Variants in BMPER observed in about 807,000 individuals in gnomAD.
BMPER encodes the protein BMP-binding endothelial regulator protein.
A neutral mutation model predicts 87.3 loss-of-function variants in BMPER; 45 were observed. The ratio of observed to expected loss-of-function variants is 0.52; its 90% CI spans 0.41 to 0.66. The LOEUF (loss-of-function observed/expected upper bound fraction) is 0.66. BMPER is among the 30% of genes least tolerant of loss of function. The pLI is 0.00. For synonymous variants in BMPER, 326 were observed against 316.2 expected, an observed-to-expected ratio of 1.03 and a Z score of -0.33; for missense variants, 784 against 867.5, an observed-to-expected ratio of 0.90 and a Z score of 1.21.
chr7:34,123,073 A>G (rs1205308893), intron 13 of BMPER, among the ~76,000 whole-genome samples: 2 of 152,184 alleles, frequency 1.3e-5, no homozygotes, highest in Admixed American at 6.5e-5. Context: ...GAGGAGGCTT[A>G]TATGTTACCC....
chr7:34,004,697 C>T (rs1277882922), intron 6 of BMPER, among the ~76,000 whole-genome samples: 1 of 152,140 alleles, frequency 6.6e-6, no homozygotes, highest in African/African-American at 2.4e-5. Flanking sequence ...CAGCTATTGA[C>T]TGGATAGAGA....
chr7:33,985,147 A>T (rs1785969063), intron 6 of BMPER, among the ~76,000 whole-genome samples: 1 of 152,238 alleles, frequency 6.6e-6, no homozygotes. Flanking sequence ...AAAGCATTGT[A>T]TGATAATTTC....
At chr7:33,994,780 T>C (rs948822350) in intron 6 of BMPER, among the ~76,000 whole-genome samples, 43 of 152,162 alleles carry the variant, frequency 2.8e-4, no homozygotes, top group Non-Finnish European at 5.4e-4. Flanking sequence ...TGTGGTCCTG[T>C]CCTACCTCTA....
At chr7:34,024,405 ATATATATATATATATATATATATATAT>A (rs1787300574) in intron 6 of BMPER, among the ~76,000 whole-genome samples, 1 of 46,162 alleles carries the variant, frequency 2.2e-5, no homozygotes, top group African/African-American at 9.1e-5. Context: ...ATATATATAT[ATATATATATATATATATATATATATAT>A]ATGTTGGGGA....
chr7:34,110,322 C>A (rs1201420477), intron 13 of BMPER, among the ~76,000 whole-genome samples: 1 of 152,188 alleles, frequency 6.6e-6, no homozygotes, highest in African/African-American at 2.4e-5. Context: ...CTTCTCCCAC[C>A]TGCTCAGTGT....
chr7:34,078,638 A>T (rs1432686867), intron 11 of BMPER, among the ~76,000 whole-genome samples: 1 of 152,174 alleles, frequency 6.6e-6, no homozygotes, highest in African/African-American at 2.4e-5. Context: ...GAAAATTCAG[A>T]GGTTTTAAAA....
chr7:33,919,621 G>A (rs1240795188), intron 2 of BMPER, among the ~76,000 whole-genome samples: 1 of 152,160 alleles, frequency 6.6e-6, no homozygotes, highest in African/African-American at 2.4e-5. Context: ...TTGCAGGACT[G>A]GAGTAGGCAA....
At chr7:34,019,681 C>G (rs1014180710) in intron 6 of BMPER, among the ~76,000 whole-genome samples, 1 of 152,002 alleles carries the variant, frequency 6.6e-6, no homozygotes, top group African/African-American at 2.4e-5. Flanking sequence ...TACTGTGGGG[C>G]ACATCTTGAG....
intron 3 of BMPER, among the ~76,000 whole-genome samples, chr7:33,946,101 A>C (rs1269844353): frequency 6.6e-6 from 1 of 152,214 alleles, no homozygotes; most frequent in Non-Finnish European, 1.5e-5. Context: ...CCTCAGGAAA[A>C]GTACAATCAT....
At chr7:33,962,816 GAAAA>G (rs547926946) in intron 3 of BMPER, among the ~76,000 whole-genome samples, 1 of 146,954 alleles carries the variant, frequency 6.8e-6, no homozygotes, top group Admixed American at 6.8e-5. Flanking sequence ...AATATTTAAA[GAAAA>G]AAAAAAGCTG....
chr7:34,118,233 A>G (rs1461164228), intron 13 of BMPER, among the ~76,000 whole-genome samples: 2 of 150,570 alleles, frequency 1.3e-5, no homozygotes, highest in Non-Finnish European at 3.0e-5. Context: ...TGAACCCGGG[A>G]GGCGGAGTTT....
chr7:34,099,563 C>T (rs1789622060), intron 13 of BMPER, among the ~76,000 whole-genome samples: 2 of 152,096 alleles, frequency 1.3e-5, no homozygotes, highest in South Asian at 4.1e-4. Flanking sequence ...TTTTATCCGC[C>T]TTTTAAGGAG....
intron 3 of BMPER, among the ~76,000 whole-genome samples, chr7:33,956,134 A>G (rs1785143165): frequency 6.6e-6 from 1 of 152,244 alleles, no homozygotes; most frequent in East Asian, 1.9e-4. Flanking sequence ...TAAAACTCGT[A>G]GAAAACGTAT....
chr7:33,931,094 A>G (rs1323950215), intron 2 of BMPER, among the ~76,000 whole-genome samples: 3 of 152,170 alleles, frequency 2.0e-5, no homozygotes, highest in Admixed American at 6.5e-5. Context: ...AATCCCTTAC[A>G]TGGTACCTCT....
At chr7:34,132,812 A>G (rs183522953) in intron 13 of BMPER, among the ~76,000 whole-genome samples, 37 of 152,242 alleles carry the variant, frequency 2.4e-4, no homozygotes, top group African/African-American at 8.9e-4. Context: ...AATCAGGCTT[A>G]CCCCAAGACG....
chr7:34,024,375 A>AAC (rs1787286164), intron 6 of BMPER, among the ~76,000 whole-genome samples: 2 of 93,534 alleles, frequency 2.1e-5, no homozygotes, highest in Non-Finnish European at 3.8e-5. Flanking sequence ...AAAAAAAAAA[A>AAC]AAAAAAACAA....
Position 34,153,520 on chromosome 7 carries a change from T to C in BMPER, c.*247T>C, listed in dbSNP as rs1189747925. On this transcript the variant is annotated 3_prime_UTR_variant, in exon 15 of 15. Coordinates refer to ENST00000649409, the MANE Select transcript of BMPER (RefSeq NM_001365308.1). ...TTCTAGGATCCTAACCTGTAAGCCA[T>C]TGAACATGTTGTATAAATACACCAG... is the stretch of plus-strand genomic sequence containing the variant. 6 of 463,306 alleles carry C rather than the reference T, an allele frequency of 1.3e-5. No individual in the cohort carries two copies. Among genetic ancestry groups the C allele is most frequent in the South Asian group, 5.0e-5 (2 of 39,924 alleles). The allele number at this position is 463,306 out of a possible 1,614,324, so 28.7% of individuals were successfully genotyped here.
intron 14 of BMPER, among the ~76,000 whole-genome samples, chr7:34,145,618 C>G (rs534669351): frequency 1.3e-5 from 2 of 152,230 alleles, no homozygotes; most frequent in Admixed American, 1.3e-4. Flanking sequence ...AATCCCCTTT[C>G]CCTTGAATTT....
chr7:33,997,589 A>T (rs1469254702), intron 6 of BMPER, among the ~76,000 whole-genome samples: 2 of 152,160 alleles, frequency 1.3e-5, no homozygotes, highest in South Asian at 2.1e-4. Flanking sequence ...GCCATGTAGA[A>T]GTGTGAGTCA....
Sources: gnomAD v4.1 joint callset for allele counts (sites outside exome capture counted in the v4.1 genomes callset) on GRCh38, gnomAD v4.1.1 for gene constraint, MANE v1.5 for transcripts, NCBI Gene and HGNC (gene_info 2026-07-23, HGNC 2026-07-21) for gene names.